MICU1: variants seen among roughly 807,000 people sequenced by gnomAD.
The protein encoded by MICU1 is calcium uptake protein 1, mitochondrial.
In MICU1, 45 loss-of-function variants were observed where a neutral mutation model predicts 56.8. The observed-to-expected ratio is 0.79, with a 90% confidence interval of 0.62 to 1.02. The LOEUF is 1.02. Among genes scored for constraint, MICU1 ranks in the 50% least tolerant of loss-of-function variants. MICU1 has a pLI of 0.00. For missense variants in MICU1, 504 were observed against 587.1 expected (o/e 0.86, Z 1.46); for synonymous variants, 186 against 195.1 (o/e 0.95, Z 0.39).
chr10:72,567,221 G>A (rs1840462777), intron 1 of MICU1, among the ~76,000 whole-genome samples: 1 of 152,084 alleles, frequency 6.6e-6, no homozygotes, highest in African/African-American at 2.4e-5. Context: ...ACATGCACTT[G>A]TAGTCCCAGC....
intron 5 of MICU1, among the ~76,000 whole-genome samples, chr10:72,528,980 A>T (rs1193460471): frequency 1.3e-5 from 2 of 152,186 alleles, no homozygotes; most frequent in Non-Finnish European, 2.9e-5. Context: ...TTGATTTTCA[A>T]CTATGACTTC....
At chr10:72,421,002 C>CAAAAAAA (rs34221911) in intron 9 of MICU1, among the ~76,000 whole-genome samples, 2 of 108,654 alleles carry the variant, frequency 1.8e-5, no homozygotes, top group African/African-American at 7.4e-5. Flanking sequence ...AACTCCGTCT[C>CAAAAAAA]AAAAAAAAAA....
rs59119352 is a variant in MICU1 at position 72,503,865 on chromosome 10, GACACACACACAC to G, written c.652+4278_652+4289del. On this transcript the variant is annotated intron_variant, in intron 6 of 11. Coordinates refer to ENST00000361114, the MANE Select transcript of MICU1 (RefSeq NM_001195518.2). ...CAAGAACTCAATTCCATTTACAATA[GACACACACACAC>G]ACACACACACACACACACACACATA... is the stretch of plus-strand genomic sequence containing the variant. Among the ~76,000 whole-genome samples the G allele has an allele frequency of 8.9e-3, 1,298 of 146,398 alleles. 18 individuals are homozygous for G. Among genetic ancestry groups the G allele is most frequent in the African/African-American group, 0.031 (1,220 of 39,946 alleles).
intron 1 of MICU1, among the ~76,000 whole-genome samples, chr10:72,570,409 C>A (rs953308533): frequency 6.6e-6 from 1 of 152,078 alleles, no homozygotes; most frequent in Non-Finnish European, 1.5e-5. Context: ...AAATACTTAA[C>A]CATTTTACTT....
In MICU1 at chr10:72,561,368, T is replaced by C. The variant is rs79633010; in HGVS notation, c.330+1527A>G. Among the ~76,000 whole-genome samples, 684 of 152,358 alleles carry C rather than the reference T, an allele frequency of 4.5e-3. 4 individuals are homozygous for C. The highest frequency in any genetic ancestry group is 0.016 in the African/African-American group (649 of 41,572). On this transcript the variant is annotated intron_variant, in intron 3 of 11. Coordinates refer to ENST00000361114, the MANE Select transcript of MICU1 (RefSeq NM_001195518.2). ...AAACTGCTGGCACAGAGTAAAGTTG[T>C]GCTTTCTTTGAATTCACTCAGGGCA...
chr10:72,433,047 C>T (rs1433302242), intron 8 of MICU1, among the ~76,000 whole-genome samples: 1 of 152,154 alleles, frequency 6.6e-6, no homozygotes, highest in African/African-American at 2.4e-5. Flanking sequence ...AAGTGATTCT[C>T]CTGCCTCAGC....
intron 9 of MICU1, among the ~76,000 whole-genome samples, chr10:72,410,533 C>T (rs1307743726): frequency 6.6e-6 from 1 of 152,136 alleles, no homozygotes; most frequent in African/African-American, 2.4e-5. Flanking sequence ...GCAGGAGAAT[C>T]GCTTGAGCCT....
intron 5 of MICU1, among the ~76,000 whole-genome samples, chr10:72,530,335 A>AAATAATAATAATAATAATAAT (rs372087915): frequency 3.1e-5 from 2 of 64,902 alleles, no homozygotes; most frequent in Non-Finnish European, 5.7e-5. Flanking sequence ...CTCCATATCA[A>AAATAATAATAATAATAATAAT]AATAATAATA....
chr10:72,587,464 CAAAAAAAA>C, intron 1 of MICU1, among the ~76,000 whole-genome samples: 3 of 92,868 alleles, frequency 3.2e-5, no homozygotes, highest in Middle Eastern at 0.012. Context: ...CAGCATGTCT[CAAAAAAAA>C]AAAAAAAAAA....
chr10:72,562,830 G>A (rs1390733449), intron 3 of MICU1, 65 bp downstream of exon 3: 16 of 1,282,388 alleles, frequency 1.2e-5, no homozygotes, highest in Non-Finnish European at 1.5e-5. Context: ...TGATTAAAAA[G>A]ATTGAACTGC....
intron 2 of MICU1, among the ~76,000 whole-genome samples, chr10:72,564,599 TTC>T (rs1050458349): frequency 6.6e-6 from 1 of 150,742 alleles, no homozygotes; most frequent in African/African-American, 2.4e-5. Flanking sequence ...TGCCCAGAAT[TTC>T]TGTCTGGAAA....
chr10:72,497,298 T>C (rs1376797571), intron 6 of MICU1, among the ~76,000 whole-genome samples: 1 of 152,094 alleles, frequency 6.6e-6, no homozygotes, highest in African/African-American at 2.4e-5. Flanking sequence ...GACCTCGTGA[T>C]CCACCCACCT....
chr10:72,383,890 C>G (rs1163171723), intron 10 of MICU1, among the ~76,000 whole-genome samples: 1 of 152,114 alleles, frequency 6.6e-6, no homozygotes, highest in Non-Finnish European at 1.5e-5. Context: ...CCTCTGCCTC[C>G]TGGGCTCCTG....
chr10:72,388,449 C>T (rs1321634710), intron 10 of MICU1, among the ~76,000 whole-genome samples: 1 of 152,160 alleles, frequency 6.6e-6, no homozygotes, highest in Non-Finnish European at 1.5e-5. Context: ...GATGTGTCTA[C>T]TAAGGCGTTC....
intron 7 of MICU1, chr10:72,475,803 G>A (rs929985716): frequency 1.8e-5 from 8 of 455,688 alleles, no homozygotes; most frequent in South Asian, 6.2e-5. Context: ...TAAATAACTT[G>A]CTCAAGGTCA....
At chr10:72,461,452 G>C (rs551765291) in intron 8 of MICU1, among the ~76,000 whole-genome samples, 1 of 152,262 alleles carries the variant, frequency 6.6e-6, no homozygotes, top group Admixed American at 6.5e-5. Flanking sequence ...TTCACAGACT[G>C]ATTCATATGT....
intron 10 of MICU1, among the ~76,000 whole-genome samples, chr10:72,391,114 G>T (rs921661315): frequency 6.6e-6 from 1 of 151,368 alleles, no homozygotes; most frequent in Non-Finnish European, 1.5e-5. Flanking sequence ...CCACACCCAT[G>T]GATTCAACCA....
chr10:72,528,022 C>T (rs955987375), intron 5 of MICU1, among the ~76,000 whole-genome samples: 3 of 152,098 alleles, frequency 2.0e-5, no homozygotes, highest in African/African-American at 7.2e-5. Flanking sequence ...GATGGGGTTT[C>T]ACCATATTGG....
intron 6 of MICU1, among the ~76,000 whole-genome samples, chr10:72,504,017 A>C (rs901488744): frequency 2.0e-5 from 3 of 152,146 alleles, no homozygotes; most frequent in Non-Finnish European, 4.4e-5. Context: ...TGCCATACTC[A>C]TGGGTTGGCA....
Sources: allele counts gnomAD v4.1 joint callset (sites outside exome capture counted in the v4.1 genomes callset), GRCh38; gene constraint gnomAD v4.1.1; transcripts MANE v1.5; gene names NCBI Gene and HGNC (gene_info 2026-07-23, HGNC 2026-07-21).